Variants in GIMD1 observed in about 807,000 individuals in gnomAD.
The protein encoded by GIMD1 is GTPase IMAP family member GIMD1.
Under a neutral mutation model 14.9 loss-of-function variants are expected in GIMD1, and 14 were observed. The ratio of observed to expected loss-of-function variants is 0.94; its 90% CI spans 0.62 to 1.47. The LOEUF (loss-of-function observed/expected upper bound fraction) is 1.47. Ranked by LOEUF, GIMD1 falls within the 40% of genes most tolerant of loss-of-function variation. The pLI is 0.00. For missense variants in GIMD1, 272 were observed against 255.3 expected, an observed-to-expected ratio of 1.07 and a Z score of -0.44; for synonymous variants, 91 against 90.5, an observed-to-expected ratio of 1.01 and a Z score of -0.03.
intron 2 of GIMD1, among the ~76,000 whole-genome samples, chr4:106,364,970 T>C (rs1339948715): frequency 6.6e-6 from 1 of 152,088 alleles, no homozygotes; most frequent in Non-Finnish European, 1.5e-5. Context: ...CATAGGTTCA[T>C]GGTAGGGAAA....
chr4:106,368,208 G>C (rs940655832), intron 1 of GIMD1, among the ~76,000 whole-genome samples: 3 of 152,042 alleles, frequency 2.0e-5, no homozygotes, highest in Non-Finnish European at 2.9e-5. Context: ...CAGTTAGAAG[G>C]GGGGAGAATC....
chr4:106,365,934 CACGT>C (rs1230514804), intron 2 of GIMD1, among the ~76,000 whole-genome samples: 1 of 138,164 alleles, frequency 7.2e-6, no homozygotes, highest in Non-Finnish European at 1.5e-5. Context: ...CATGTACACA[CACGT>C]ACACACACAC....
At chr4:106,363,924 G>C (rs2125934316) in intron 2 of GIMD1, among the ~76,000 whole-genome samples, 1 of 150,212 alleles carries the variant, frequency 6.7e-6, no homozygotes, top group Non-Finnish European at 1.5e-5. Context: ...CAATACCTAG[G>C]TACAATTCCT....
intron 2 of GIMD1, among the ~76,000 whole-genome samples, chr4:106,360,239 C>A (rs1437665313): frequency 2.0e-5 from 3 of 151,838 alleles, no homozygotes; most frequent in African/African-American, 7.3e-5. Context: ...CAAACTTTTT[C>A]TTCATATGTG....
In GIMD1 at chr4:106,367,095, G is replaced by T; in HGVS notation, c.341C>A (p.Ala114Glu). The change falls in exon 2 of 3, where the codon GCA (alanine) becomes GAA (glutamate). Residue 114 changes from alanine (A) to glutamate (E), a missense_variant. By Grantham distance (107) the Ala-to-Glu change is moderately radical. Coordinates refer to ENST00000638719, the MANE Select transcript of GIMD1 (RefSeq NM_001195138.2). Reference protein sequence around the residue: ...GLHLALLVQRADVPFCGQEVT... With the variant: ...GLHLALLVQREDVPFCGQEVT... ...TTCCTGCCCACAGAAAGGCACATCT[G>T]CTCTCTGAACCAGGAGTGCAAGGTG... is the stretch of plus-strand genomic sequence containing the variant. The T allele has an allele frequency of 6.5e-7, 1 of 1,535,148 alleles. No homozygotes were observed. The highest frequency in any genetic ancestry group is 8.7e-7 in the Non-Finnish European group (1 of 1,146,380).
intron 2 of GIMD1, among the ~76,000 whole-genome samples, chr4:106,364,582 C>T (rs575663673): frequency 6.6e-6 from 1 of 152,298 alleles, no homozygotes; most frequent in African/African-American, 2.4e-5. Context: ...AAGTGACCAT[C>T]AACCAAAGAC....
chr4:106,365,942 C>CACACGT (rs759216000), intron 2 of GIMD1, among the ~76,000 whole-genome samples: 1 of 90,446 alleles, frequency 1.1e-5, no homozygotes, highest in Admixed American at 1.2e-4. Flanking sequence ...CACACGTACA[C>CACACGT]ACACACACAC....
chr4:106,368,399 A>G (rs1311582142), intron 1 of GIMD1, among the ~76,000 whole-genome samples: 1 of 152,164 alleles, frequency 6.6e-6, no homozygotes, highest in Non-Finnish European at 1.5e-5. Context: ...TTAATATTGC[A>G]TATTTATTAT....
chr4:106,368,303 A>T (rs1289140776), intron 1 of GIMD1, among the ~76,000 whole-genome samples: 1 of 152,202 alleles, frequency 6.6e-6, no homozygotes, highest in Non-Finnish European at 1.5e-5. Context: ...TTTTAAGGTC[A>T]TTAATCATTT....
Position 106,358,184 on chromosome 4 carries a change from T to G in GIMD1, c.653A>C (p.Ter218SerextTer49). 6.8e-7 allele frequency: 1 copy of G among 1,473,080 alleles called. No individual in the cohort carries two copies. Among genetic ancestry groups the G allele is most frequent in the African/African-American group, 1.4e-5 (1 of 70,322 alleles). 91.3% of individuals were successfully genotyped at this position (1,473,080 alleles called of 1,614,324 possible). The change falls in exon 3 of 3, where the codon TAA (stop) becomes TCA (serine). Residue 218 changes from the stop codon to serine, a stop_lost. Transcript: ENST00000638719. ...ENCYQVLTFK[*>S] ...TGCTCCTTTCCTTTCACCTAAATTT[T>G]ATTTAAATGTAAGAACTTGGTAACA...
intron 2 of GIMD1, among the ~76,000 whole-genome samples, chr4:106,363,898 G>A (rs867057319): frequency 2.3e-5 from 3 of 130,484 alleles, no homozygotes; most frequent in African/African-American, 9.1e-5. Context: ...GGGGGGGGGC[G>A]GAAATGGACC....
chr4:106,363,752 C>T (rs557119943), intron 2 of GIMD1, among the ~76,000 whole-genome samples: 4 of 151,940 alleles, frequency 2.6e-5, no homozygotes, highest in African/African-American at 9.6e-5. Context: ...TATTTTCAGG[C>T]TCTGAATTAG....
intron 1 of GIMD1, among the ~76,000 whole-genome samples, chr4:106,368,025 A>G (rs1398536904): frequency 6.6e-6 from 1 of 152,196 alleles, no homozygotes; most frequent in African/African-American, 2.4e-5. Context: ...ATGTTAAAGA[A>G]GACTTCTGTT....
chr4:106,361,312 A>T (rs1193013246), intron 2 of GIMD1, among the ~76,000 whole-genome samples: 4 of 152,022 alleles, frequency 2.6e-5, no homozygotes, highest in Admixed American at 6.6e-5. Context: ...TTTCAATTGC[A>T]AGTGTGATAG....
intron 2 of GIMD1, among the ~76,000 whole-genome samples, chr4:106,362,468 A>G (rs1268767698): frequency 6.6e-6 from 1 of 152,128 alleles, no homozygotes; most frequent in South Asian, 2.1e-4. Context: ...TGAAAATTTT[A>G]TGATCAATCA....
At chr4:106,362,710 C>T (rs1390289404) in intron 2 of GIMD1, among the ~76,000 whole-genome samples, 1 of 152,032 alleles carries the variant, frequency 6.6e-6, no homozygotes, top group East Asian at 1.9e-4. Context: ...TATCACGGAA[C>T]AGGAGGACAA....
At chr4:106,359,500 T>A (rs1184405377) in intron 2 of GIMD1, among the ~76,000 whole-genome samples, 1 of 151,886 alleles carries the variant, frequency 6.6e-6, no homozygotes, top group Non-Finnish European at 1.5e-5. Flanking sequence ...TGAAGCTTAA[T>A]GCAATTATTT....
At position 106,367,153 on chromosome 4, in the gene GIMD1, C is replaced by A. The variant is rs1382565093; in HGVS notation, c.283G>T (p.Ala95Ser). The A allele has an allele frequency of 2.6e-6, 4 of 1,535,470 alleles. No individual in the cohort carries two copies. The highest frequency in any genetic ancestry group is 3.5e-6 in the Non-Finnish European group (4 of 1,146,716). Reference protein sequence around the residue: ...KKYVKQEVKEALAHHFGQGGL... With the variant: ...KKYVKQEVKESLAHHFGQGGL... ...CCTTGCCCGAAGTGATGTGCCAGAG[C>A]CTCTTTGACTTCCTGTTTCACATAC... Residue 95 changes from alanine to serine, a missense_variant, in exon 2 of 3, where the codon GCT becomes TCT. Transcript: ENST00000638719.
chr4:106,365,526 AG>A (rs1456154743), intron 2 of GIMD1, among the ~76,000 whole-genome samples: 1 of 152,112 alleles, frequency 6.6e-6, no homozygotes, highest in Non-Finnish European at 1.5e-5. Context: ...GGGCTGTAAC[AG>A]GGCCTATGTC....
Sources: gnomAD v4.1 joint callset for allele counts (sites outside exome capture counted in the v4.1 genomes callset) on GRCh38, gnomAD v4.1.1 for gene constraint, MANE v1.5 for transcripts, NCBI Gene and HGNC (gene_info 2026-07-23, HGNC 2026-07-21) for gene names.